SULT1E1: variants seen among roughly 807,000 people sequenced by gnomAD.
The protein encoded by SULT1E1 is sulfotransferase 1E1.
SULT1E1 carries 36 observed loss-of-function variants against 33.6 expected under a neutral mutation model. The ratio of observed to expected loss-of-function variants is 1.07; its 90% CI spans 0.82 to 1.41. The LOEUF (loss-of-function observed/expected upper bound fraction) is 1.41, where lower values mean the gene tolerates loss of function less well. SULT1E1 is among the 40% of genes most tolerant of loss of function. The probability of loss-of-function intolerance (pLI) is 0.00; values close to 1 mark genes in which losing one functional copy is unlikely to be tolerated. For synonymous variants in SULT1E1, 121 were observed against 111.7 expected, an observed-to-expected ratio of 1.08 and a Z score of -0.53; for missense variants, 371 against 345.7, an observed-to-expected ratio of 1.07 and a Z score of -0.58.
At chr4:69,830,387 G>A in the SULT1E1 span, among the ~76,000 whole-genome samples, 24 of 152,344 alleles carry the variant, frequency 1.6e-4, no homozygotes, top group East Asian at 1.9e-3. Context: ...TATGAATGAT[G>A]TATTTACCAT....
At chr4:69,828,575 T>G in the SULT1E1 span, among the ~76,000 whole-genome samples, 4 of 152,144 alleles carry the variant, frequency 2.6e-5, no homozygotes, top group Non-Finnish European at 5.9e-5. Context: ...CTTTAAGAAC[T>G]GTAACAGTCA....
chr4:69,852,830 G>C (rs760598771), intron 4 of SULT1E1, among the ~76,000 whole-genome samples: 5 of 152,046 alleles, frequency 3.3e-5, no homozygotes, highest in Non-Finnish European at 7.4e-5. Flanking sequence ...TAAATGTCTG[G>C]TACCTGTTTC....
Position 69,849,500 on chromosome 4 carries a change from C to A in SULT1E1, c.433G>T (p.Val145Leu), listed in dbSNP as rs200443686. ...GATCCAGGATTTGGATGACCAGCCA[C>A]CATTAGAAAGAAATAATAAAAGGAA... ...AVSFYYFFLM[V>L]AGHPNPGSFP... Residue 145 changes from valine (V) to leucine (L), a missense_variant, in exon 5 of 8, where the codon GTG becomes TTG. Coordinates refer to ENST00000226444, the MANE Select transcript of SULT1E1 (RefSeq NM_005420.3). 3.1e-6 allele frequency: 5 copies of A among 1,611,496 alleles called. No individual in the cohort carries two copies. Among genetic ancestry groups the A allele is most frequent in the Non-Finnish European group, 4.2e-6 (5 of 1,178,228 alleles).
At chr4:69,834,796 C>A in the SULT1E1 span, among the ~76,000 whole-genome samples, 1 of 152,078 alleles carries the variant, frequency 6.6e-6, no homozygotes, top group East Asian at 1.9e-4. Context: ...ATAGTAGGAT[C>A]ATAAAATTTA....
At chr4:69,834,381 A>G in the SULT1E1 span, among the ~76,000 whole-genome samples, 1 of 152,204 alleles carries the variant, frequency 6.6e-6, no homozygotes, top group African/African-American at 2.4e-5. Context: ...AGGCAATATT[A>G]TAAACTATAA....
At chr4:69,845,772 G>A (rs1720964981) in intron 6 of SULT1E1, among the ~76,000 whole-genome samples, 1 of 151,288 alleles carries the variant, frequency 6.6e-6, no homozygotes, top group African/African-American at 2.4e-5. Context: ...GAGAGTTGGA[G>A]TAACTATTTA....
the SULT1E1 span, among the ~76,000 whole-genome samples, chr4:69,827,587 T>G: frequency 1.3e-5 from 2 of 152,154 alleles, no homozygotes; most frequent in African/African-American, 4.8e-5. Flanking sequence ...GAGGGTCAAT[T>G]GATCCTAAAA....
downstream of SULT1E1, among the ~76,000 whole-genome samples, chr4:69,839,316 A>C (rs2110063406): frequency 6.6e-6 from 1 of 152,364 alleles, no homozygotes; most frequent in South Asian, 2.1e-4. Flanking sequence ...CATAAAAGGC[A>C]TCATATGTGA....
chr4:69,848,691 C>A (rs184323690), intron 5 of SULT1E1, among the ~76,000 whole-genome samples: 2 of 151,898 alleles, frequency 1.3e-5, no homozygotes, highest in African/African-American at 2.4e-5. Flanking sequence ...GCAACAAACA[C>A]AAAGCACATA....
At chr4:69,834,664 C>T in the SULT1E1 span, among the ~76,000 whole-genome samples, 40 of 151,910 alleles carry the variant, frequency 2.6e-4, no homozygotes, top group African/African-American at 9.7e-4. Flanking sequence ...CTCTGAAGTG[C>T]TTAAAAAAAG....
chr4:69,824,509 A>G, the SULT1E1 span, among the ~76,000 whole-genome samples: 1 of 152,272 alleles, frequency 6.6e-6, no homozygotes, highest in African/African-American at 2.4e-5. Context: ...ATAATGGTTT[A>G]GCCATGAGCA....
At chr4:69,858,312 T>C (rs1721292077) in intron 1 of SULT1E1, among the ~76,000 whole-genome samples, 1 of 152,142 alleles carries the variant, frequency 6.6e-6, no homozygotes, top group African/African-American at 2.4e-5. Flanking sequence ...GATACTCCCA[T>C]TGAATGACTT....
the SULT1E1 span, among the ~76,000 whole-genome samples, chr4:69,827,912 C>A: frequency 6.6e-6 from 1 of 152,158 alleles, no homozygotes; most frequent in Non-Finnish European, 1.5e-5. Flanking sequence ...AAACAAGCCA[C>A]CCCCTCATCC....
At chr4:69,825,680 AG>A in the SULT1E1 span, among the ~76,000 whole-genome samples, 2 of 152,166 alleles carry the variant, frequency 1.3e-5, no homozygotes, top group Non-Finnish European at 2.9e-5. Flanking sequence ...GAGTGTCAAT[AG>A]AGAGGAAAGC....
chr4:69,828,582 G>A, the SULT1E1 span, among the ~76,000 whole-genome samples: 1 of 152,080 alleles, frequency 6.6e-6, no homozygotes, highest in Non-Finnish European at 1.5e-5. Context: ...AACTGTAACA[G>A]TCACTGCAAG....
At chr4:69,853,692 G>A (rs2110072164) in intron 4 of SULT1E1, among the ~76,000 whole-genome samples, 1 of 152,230 alleles carries the variant, frequency 6.6e-6, no homozygotes, top group South Asian at 2.1e-4. Flanking sequence ...GCTTGCATGT[G>A]TCTTACTCTT....
chr4:69,833,515 A>G, the SULT1E1 span, among the ~76,000 whole-genome samples: 1 of 152,218 alleles, frequency 6.6e-6, no homozygotes, highest in Non-Finnish European at 1.5e-5. Context: ...GCAAGTATCA[A>G]TCTGAAATTC....
At chr4:69,825,650 C>G in the SULT1E1 span, among the ~76,000 whole-genome samples, 1 of 152,152 alleles carries the variant, frequency 6.6e-6, no homozygotes, top group African/African-American at 2.4e-5. Flanking sequence ...TCTGCTTTTC[C>G]TGTACTTCTG....
intron 5 of SULT1E1, among the ~76,000 whole-genome samples, chr4:69,848,763 CT>C (rs1218725875): frequency 1.3e-5 from 2 of 151,812 alleles, no homozygotes. Flanking sequence ...TATTATTTTT[CT>C]TTATAATTGT....
Sources: allele counts gnomAD v4.1 joint callset (sites outside exome capture counted in the v4.1 genomes callset), GRCh38; gene constraint gnomAD v4.1.1; transcripts MANE v1.5; gene names NCBI Gene and HGNC (gene_info 2026-07-23, HGNC 2026-07-21).